The following NELL1 variants were observed in gnomAD, a reference collection of about 807,000 sequenced individuals.
NELL1 encodes protein kinase C-binding protein NELL1.
In NELL1, 76 loss-of-function variants were observed where a neutral mutation model predicts 107.4. The ratio of observed to expected loss-of-function variants is 0.71; its 90% confidence interval spans 0.59 to 0.86. The LOEUF (loss-of-function observed/expected upper bound fraction) is 0.86. Among genes scored for constraint, NELL1 ranks in the 40% least tolerant of loss-of-function variants. The probability of loss-of-function intolerance (pLI) is 0.00; values close to 1 mark genes in which losing one functional copy is unlikely to be tolerated. For synonymous variants in NELL1, 353 were observed against 341.2 expected (o/e 1.03, Z -0.38); for missense variants, 1,024 against 1,005.5 (o/e 1.02, Z -0.25).
At chr11:20,723,419 A>C (rs1207890228) in intron 2 of NELL1, among the ~76,000 whole-genome samples, 1 of 152,208 alleles carries the variant, frequency 6.6e-6, no homozygotes, top group Non-Finnish European at 1.5e-5. Context: ...CAGGGGCCAC[A>C]GGCCTCCTCC....
intron 12 of NELL1, among the ~76,000 whole-genome samples, chr11:21,041,969 A>G (rs576350774): frequency 2.6e-5 from 4 of 152,344 alleles, no homozygotes; most frequent in Admixed American, 2.0e-4. Context: ...GCACCGCCAC[A>G]TGTGGCATGG....
intron 13 of NELL1, among the ~76,000 whole-genome samples, chr11:21,216,073 G>A (rs1857606301): frequency 6.6e-6 from 1 of 152,122 alleles, no homozygotes; most frequent in African/African-American, 2.4e-5. Context: ...TCAGGACTTT[G>A]TTCCTGATGC....
At chr11:21,275,171 AAGG>A (rs1051172212) in intron 14 of NELL1, among the ~76,000 whole-genome samples, 101 of 152,346 alleles carry the variant, frequency 6.6e-4, no homozygotes, top group Admixed American at 3.6e-3. Flanking sequence ...ATAAAGAAGA[AAGG>A]AGAGAAGAAT....
chr11:21,422,601 A>C (rs1852709281), intron 15 of NELL1, among the ~76,000 whole-genome samples: 1 of 152,150 alleles, frequency 6.6e-6, no homozygotes, highest in Non-Finnish European at 1.5e-5. Flanking sequence ...ATTGGAGTGA[A>C]GCTGGTGTAA....
chr11:21,346,542 TATA>T (rs559089983), intron 14 of NELL1, among the ~76,000 whole-genome samples: 221 of 147,934 alleles, frequency 1.5e-3, no homozygotes, highest in African/African-American at 5.1e-3. Flanking sequence ...ATATATGATA[TATA>T]ATAATATGTG....
intron 2 of NELL1, among the ~76,000 whole-genome samples, chr11:20,745,736 A>G (rs940038076): frequency 6.6e-6 from 1 of 152,184 alleles, no homozygotes; most frequent in African/African-American, 2.4e-5. Context: ...CTTATGGTCT[A>G]CCACTGGGTG....
At position 21,570,792 on chromosome 11, in the gene NELL1, C is replaced by T. The variant is rs773558664; in HGVS notation, c.2009C>T (p.Ala670Val). ...KDGKIFCRRT[A>V]CDCQNPSADL... Reference sequence around the variant, plus strand: ...GGCAAGATATTCTGCCGACGGACAGCTTGTGATTGCCAGAATCCAAGTGCT... The same window carrying T: ...GGCAAGATATTCTGCCGACGGACAGTTTGTGATTGCCAGAATCCAAGTGCT... Residue 670 changes from alanine to valine, a missense_variant, in exon 18 of 20, where the codon GCT (alanine) becomes GTT (valine). By Grantham distance (64) the Ala-to-Val change is moderately conservative. Transcript: ENST00000357134. 3.7e-6 allele frequency: 6 copies of T among 1,611,434 alleles called. No homozygotes were observed. Among genetic ancestry groups the T allele is most frequent in the Non-Finnish European group, 5.1e-6 (6 of 1,178,478 alleles).
chr11:21,401,561 G>C (rs1159736720), intron 15 of NELL1, among the ~76,000 whole-genome samples: 1 of 150,586 alleles, frequency 6.6e-6, no homozygotes, highest in Non-Finnish European at 1.5e-5. Flanking sequence ...ACACAAAAAT[G>C]AGGCAGGGTT....
intron 12 of NELL1, among the ~76,000 whole-genome samples, chr11:20,972,672 CAG>C (rs1248544428): frequency 6.6e-6 from 1 of 151,924 alleles, no homozygotes; most frequent in Non-Finnish European, 1.5e-5. Context: ...GTGTTGAGCG[CAG>C]AGAGAAAAAG....
chr11:21,103,662 A>T (rs550438796), intron 12 of NELL1, among the ~76,000 whole-genome samples: 2 of 152,280 alleles, frequency 1.3e-5, no homozygotes, highest in South Asian at 4.1e-4. Flanking sequence ...TGCTGGTAGT[A>T]TTGCACTCTT....
Position 21,001,787 on chromosome 11 carries a change from G to A in NELL1, c.1300+41227G>A, listed in dbSNP as rs562961469. Reference sequence around the variant, plus strand: ...ATTCTGTCTTCCTCTTAAGCCTAGCGAGAACAGCCTCAAGGATGCTCTGGA... The same window carrying A: ...ATTCTGTCTTCCTCTTAAGCCTAGCAAGAACAGCCTCAAGGATGCTCTGGA... On this transcript the variant is annotated intron_variant, in intron 12 of 19. Transcript: ENST00000357134. Among the ~76,000 whole-genome samples the A allele has an allele frequency of 5.9e-5, 9 of 151,898 alleles. No homozygotes were observed. In the East Asian group the frequency reaches 1.6e-3, roughly 26 times the overall value.
intron 5 of NELL1, among the ~76,000 whole-genome samples, chr11:20,903,962 C>T (rs943427000): frequency 6.6e-6 from 1 of 152,110 alleles, no homozygotes; most frequent in Non-Finnish European, 1.5e-5. Context: ...AGTGGCAGTC[C>T]TGAAAGATTT....
At chr11:20,987,600 G>A (rs1051193272) in intron 12 of NELL1, among the ~76,000 whole-genome samples, 8 of 152,070 alleles carry the variant, frequency 5.3e-5, no homozygotes, top group Non-Finnish European at 7.4e-5. Flanking sequence ...TCACTATCAC[G>A]AGAACAGCAT....
intron 12 of NELL1, among the ~76,000 whole-genome samples, chr11:21,102,980 TAAAG>T (rs1310836688): frequency 6.6e-6 from 1 of 152,180 alleles, no homozygotes; most frequent in Non-Finnish European, 1.5e-5. Context: ...TGATTTCAGT[TAAAG>T]AAGCTTATTT....
chr11:21,269,756 G>A (rs1344387326), intron 14 of NELL1, among the ~76,000 whole-genome samples: 1 of 152,050 alleles, frequency 6.6e-6, no homozygotes, highest in Admixed American at 6.6e-5. Context: ...AAGAGCATCA[G>A]CGAAAGAATT....
intron 13 of NELL1, among the ~76,000 whole-genome samples, chr11:21,176,992 G>A (rs899734178): frequency 2.0e-5 from 3 of 151,526 alleles, no homozygotes; most frequent in Non-Finnish European, 2.9e-5. Context: ...AAATAATTGT[G>A]TATATTTGTG....
At chr11:20,951,793 C>T (rs143456251) in intron 11 of NELL1, among the ~76,000 whole-genome samples, 2 of 152,248 alleles carry the variant, frequency 1.3e-5, no homozygotes, top group Non-Finnish European at 2.9e-5. Context: ...CCAGAACATC[C>T]TTAATCACCA....
At chr11:20,720,469 A>T in intron 2 of NELL1, among the ~76,000 whole-genome samples, 1 of 151,844 alleles carries the variant, frequency 6.6e-6, no homozygotes, top group East Asian at 1.9e-4. Context: ...AGCCTCCCAA[A>T]GTGCTGGGAT....
intron 12 of NELL1, among the ~76,000 whole-genome samples, chr11:21,096,969 G>T (rs1262435433): frequency 6.6e-6 from 1 of 151,614 alleles, no homozygotes; most frequent in Non-Finnish European, 1.5e-5. Context: ...CTCCTTCCTT[G>T]GCCTCCCAAA....
Sources: allele counts gnomAD v4.1 joint callset (sites outside exome capture counted in the v4.1 genomes callset), GRCh38; gene constraint gnomAD v4.1.1; transcripts MANE v1.5; gene names NCBI Gene and HGNC (gene_info 2026-07-23, HGNC 2026-07-21).